Variants in USP22 observed in about 807,000 individuals in gnomAD.
USP22 encodes ubiquitin carboxyl-terminal hydrolase 22.
In USP22, 22 loss-of-function variants were observed where a neutral mutation model predicts 68.1. The observed-to-expected ratio is 0.32, with a 90% CI of 0.23 to 0.46. USP22 has a LOEUF of 0.46. USP22 is among the 20% of genes least tolerant of loss of function. The pLI is 1.00. For missense variants in USP22, 433 were observed against 695.8 expected (o/e 0.62, Z 4.25); for synonymous variants, 279 against 274.2 (o/e 1.02, Z -0.17).
intron 9 of USP22, among the ~76,000 whole-genome samples, chr17:21,007,440 G>A (rs1374352259): frequency 1.3e-5 from 2 of 152,182 alleles, no homozygotes; most frequent in Non-Finnish European, 2.9e-5. Flanking sequence ...ATGTAACAGA[G>A]AATCGTATGA....
intron 4 of USP22, 33 bp from the exon 5 acceptor site, chr17:21,018,144 CTG>C (rs760673065): frequency 6.5e-7 from 1 of 1,532,102 alleles, no homozygotes; most frequent in Non-Finnish European, 8.8e-7. Context: ...CAGGAGTTAC[CTG>C]TGTGCTGAAC....
At chr17:21,028,364 G>A (rs1345376308) in intron 2 of USP22, among the ~76,000 whole-genome samples, 178 bp downstream of exon 2, 5 of 152,134 alleles carry the variant, frequency 3.3e-5, no homozygotes, top group Admixed American at 1.3e-4. Context: ...AACTGAGGAC[G>A]CGATTCAGCT....
At chr17:21,031,178 C>T (rs570642917) in intron 1 of USP22, among the ~76,000 whole-genome samples, 1 of 152,310 alleles carries the variant, frequency 6.6e-6, no homozygotes, top group Non-Finnish European at 1.5e-5. Flanking sequence ...TACAGCCTAA[C>T]GCTTCAATTC....
At chr17:21,041,311 T>C (rs1293225469) in intron 1 of USP22, among the ~76,000 whole-genome samples, 1 of 152,068 alleles carries the variant, frequency 6.6e-6, no homozygotes, top group South Asian at 2.1e-4. Context: ...TAAAAAAAAT[T>C]TTGAGGCCGG....
At chr17:21,009,091 CAAAAAAAA>C (rs56665164) in intron 8 of USP22, among the ~76,000 whole-genome samples, 2 of 91,916 alleles carry the variant, frequency 2.2e-5, no homozygotes, top group Non-Finnish European at 4.2e-5. Flanking sequence ...GACTCCATTT[CAAAAAAAA>C]AAAAAAAAAA....
At chr17:21,026,239 G>A (rs1165607122) in intron 2 of USP22, among the ~76,000 whole-genome samples, 1 of 152,210 alleles carries the variant, frequency 6.6e-6, no homozygotes, top group African/African-American at 2.4e-5. Context: ...TGATATTGAG[G>A]TGACAGCTTC....
rs1334339441 is a variant in USP22, at chr17:20,999,843, C to G, written c.*3188G>C. 3 of 152,122 alleles carry G rather than the reference C, an allele frequency of 2.0e-5. No homozygotes were observed. The highest frequency in any genetic ancestry group is 7.2e-5 in the African/African-American group (3 of 41,416). The allele number at this position is 152,122 out of a possible 1,614,324, so 9.4% of individuals were successfully genotyped here. A position where few individuals can be genotyped will look rare whatever the true frequency, so the allele number is the denominator to read the frequency against. The stretch of plus-strand genomic sequence containing the variant: ...TTTACACAATGAAGAGCATACACAC[C>G]AAGCCAAAATACAATAGCACTCAGG... On this transcript the variant is annotated 3_prime_UTR_variant, in exon 13 of 13. Coordinates refer to ENST00000261497, the MANE Select transcript of USP22 (RefSeq NM_015276.2).
chr17:21,014,203 CAGA>C (rs1914061630), intron 6 of USP22, among the ~76,000 whole-genome samples: 1 of 152,272 alleles, frequency 6.6e-6, no homozygotes, highest in African/African-American at 2.4e-5. Flanking sequence ...GGTTTCTAAA[CAGA>C]AGAACCTTAC....
intron 2 of USP22, among the ~76,000 whole-genome samples, chr17:21,023,329 C>T (rs1972180097): frequency 6.6e-6 from 1 of 152,068 alleles, no homozygotes; most frequent in Non-Finnish European, 1.5e-5. Context: ...ACCGTTGAAA[C>T]TAAAATAAAA....
intron 1 of USP22, among the ~76,000 whole-genome samples, chr17:21,036,539 C>G (rs535573280): frequency 1.1e-4 from 15 of 140,860 alleles, no homozygotes; most frequent in Non-Finnish European, 2.3e-4. Context: ...GGGGTCAAGT[C>G]ATTTCCCAAG....
rs756302074 is a variant in USP22 at position 21,021,133 on chromosome 17, C to T, written c.398G>A (p.Arg133Gln). 7.4e-6 allele frequency: 12 copies of T among 1,613,972 alleles called. No homozygotes were observed. The highest frequency in any genetic ancestry group is 2.7e-5 in the African/African-American group (2 of 74,900). Residue 133 changes from arginine to glutamine, a missense_variant, in exon 3 of 13, where the codon CGA becomes CAA. Arg to Gln is a conservative substitution (Grantham distance 43). This residue lies in a region of USP22 where 144 missense variants were observed against 237.2 expected (regional missense o/e 0.61). Coordinates refer to ENST00000261497, the MANE Select transcript of USP22 (RefSeq NM_015276.2). ...DMEIIAKEEQ[R>Q]KAWKMQGVGE... Reference sequence around the variant, plus strand: ...CAAACCTTGCATTTTCCAAGCTTTTCGCTGCTCCTCCTTGGCGATTATTTC... The same window carrying T: ...CAAACCTTGCATTTTCCAAGCTTTTTGCTGCTCCTCCTTGGCGATTATTTC...
chr17:21,041,680 A>C (rs537951187), intron 1 of USP22, among the ~76,000 whole-genome samples: 97 of 152,382 alleles, frequency 6.4e-4, no homozygotes, highest in African/African-American at 2.3e-3. Flanking sequence ...TAAATAAAAA[A>C]ATGCCACTCA....
chr17:21,033,000 A>G (rs969165026), intron 1 of USP22, among the ~76,000 whole-genome samples: 2 of 151,220 alleles, frequency 1.3e-5, no homozygotes, highest in African/African-American at 4.9e-5. Flanking sequence ...TGTTCCAAAC[A>G]TATCTTGAGA....
At chr17:21,017,470 CACGTGCAGCCCACAGGAACAGCCA>C (rs964870292) in intron 5 of USP22, among the ~76,000 whole-genome samples, 4 of 152,360 alleles carry the variant, frequency 2.6e-5, no homozygotes, top group African/African-American at 9.6e-5. Flanking sequence ...AGGAACGCCA[CACGTGCAGCCCACAGGAACAGCCA>C]ACGTGCAGCG....
chr17:21,017,865 G>A, intron 5 of USP22, 77 bp downstream of exon 5: 1 of 1,542,672 alleles, frequency 6.5e-7, no homozygotes, highest in Admixed American at 1.8e-5. Flanking sequence ...CTTTATCATG[G>A]TCCACCTTAA....
intron 2 of USP22, among the ~76,000 whole-genome samples, chr17:21,028,039 G>T (rs1003723938): frequency 2.6e-5 from 4 of 152,164 alleles, no homozygotes; most frequent in Non-Finnish European, 5.9e-5. Flanking sequence ...GTTTGATTTT[G>T]TAAGGCTGTG....
At chr17:21,013,676 G>A (rs1285419235) in intron 6 of USP22, among the ~76,000 whole-genome samples, 1 of 152,224 alleles carries the variant, frequency 6.6e-6, no homozygotes, top group African/African-American at 2.4e-5. Flanking sequence ...TCTTCTGAGA[G>A]CAGAAGGTTT....
Position 21,001,822 on chromosome 17 carries a change from C to G in USP22, c.*1209G>C, listed in dbSNP as rs1012198756. 2 of 152,220 alleles carry G rather than the reference C, an allele frequency of 1.3e-5. No individual in the cohort carries two copies. The highest frequency in any genetic ancestry group is 4.8e-5 in the African/African-American group (2 of 41,460). 9.4% of individuals were successfully genotyped at this position (152,220 alleles called of 1,614,324 possible). A position where few individuals can be genotyped will look rare whatever the true frequency, so the allele number is the denominator to read the frequency against. Reference sequence around the variant, plus strand: ...AACCATCTCTGTTTGAATTTGAATACACAGATACATGCAAGATATCTTACA... The same window carrying G: ...AACCATCTCTGTTTGAATTTGAATAGACAGATACATGCAAGATATCTTACA... On this transcript the variant is annotated 3_prime_UTR_variant, in exon 13 of 13. Transcript: ENST00000261497.
chr17:21,016,003 G>C, intron 5 of USP22, 104 bp from the exon 6 acceptor site: 1 of 1,384,810 alleles, frequency 7.2e-7, no homozygotes. Flanking sequence ...ATTGGCTGTG[G>C]CTCATTTGAC....
Sources: gnomAD v4.1 joint callset for allele counts (sites outside exome capture counted in the v4.1 genomes callset) on GRCh38, gnomAD v4.1.1 for gene constraint, gnomAD v4.1.1 regional missense constraint, MANE v1.5 for transcripts, NCBI Gene and HGNC (gene_info 2026-07-23, HGNC 2026-07-21) for gene names.